The following ULK4 variants were observed in gnomAD, a reference collection of about 807,000 sequenced individuals.
ULK4 encodes the protein inactive serine/threonine-protein kinase ULK4.
Under a neutral mutation model 160.6 loss-of-function variants are expected in ULK4, and 133 were observed. The observed-to-expected ratio is 0.83, with a 90% confidence interval of 0.72 to 0.96. The LOEUF is 0.96. Among genes scored for constraint, ULK4 ranks in the 40% least tolerant of loss-of-function variants. The pLI, the probability that ULK4 is intolerant of heterozygous loss-of-function variation, is 0.00. For synonymous variants in ULK4, 534 were observed against 539.8 expected (o/e 0.99, Z 0.15); for missense variants, 1,580 against 1,499.5 (o/e 1.05, Z -0.89).
At chr3:41,856,588 C>CACATATATATATAT (rs2042363880) in intron 17 of ULK4, among the ~76,000 whole-genome samples, 2 of 71,904 alleles carry the variant, frequency 2.8e-5, no homozygotes, top group Non-Finnish European at 6.2e-5. Flanking sequence ...TATATATATA[C>CACATATATATATAT]ACATATATAT....
In ULK4 at chr3:41,721,362, AT is replaced by A. The variant is rs1192444773; in HGVS notation, c.2322-3502del. ...TATATATATATATATATATATATAT[AT>A]TTTTTTTTTTTTTTTTTTGAAACGG... On this transcript the variant is annotated intron_variant, in intron 22 of 36. Coordinates refer to ENST00000301831, the MANE Select transcript of ULK4 (RefSeq NM_017886.4). Among the ~76,000 whole-genome samples the A allele has an allele frequency of 9.0e-3, 252 of 27,936 alleles. 1 individual carries two copies. Among genetic ancestry groups the A allele is most frequent in the East Asian group, 0.03 (29 of 978 alleles). The allele number at this position is 27,936 out of a possible 152,430, so 18.3% of individuals were successfully genotyped here.
chr3:41,641,871 C>CTTTT (rs1216590151), intron 30 of ULK4, among the ~76,000 whole-genome samples: 1 of 138,476 alleles, frequency 7.2e-6, no homozygotes, highest in Non-Finnish European at 1.6e-5. Flanking sequence ...CAATTAATAC[C>CTTTT]TTTTTTTTTT....
At chr3:41,299,840 T>C (rs935904293) in intron 35 of ULK4, among the ~76,000 whole-genome samples, 1 of 152,224 alleles carries the variant, frequency 6.6e-6, no homozygotes, top group African/African-American at 2.4e-5. Context: ...CAGTATAGTT[T>C]ACCTAATCAT....
chr3:41,383,766 T>C (rs939941828), intron 35 of ULK4, among the ~76,000 whole-genome samples: 1 of 152,200 alleles, frequency 6.6e-6, no homozygotes, highest in Non-Finnish European at 1.5e-5. Flanking sequence ...CAGGGACTCT[T>C]AGCTTTTTAC....
rs1362566964 is a variant in ULK4, at chr3:41,798,899, GAAGA to G, written c.2010+1229_2010+1232del. On this transcript the variant is annotated intron_variant, in intron 20 of 36. Coordinates refer to ENST00000301831, the MANE Select transcript of ULK4 (RefSeq NM_017886.4). ...CCAGGAAGAAGATTTGGAGAAACAT[GAAGA>G]GGTTTGTCTCTGAAAAGAGAAGGAA... 2.6e-5 allele frequency among the ~76,000 whole-genome samples: 4 copies of G among 152,290 alleles called. No individual in the cohort carries two copies. The East Asian group carries it at 7.7e-4, about 29-fold the overall frequency.
At chr3:41,524,812 C>T (rs913665504) in intron 32 of ULK4, among the ~76,000 whole-genome samples, 4 of 152,090 alleles carry the variant, frequency 2.6e-5, no homozygotes, top group African/African-American at 7.2e-5. Context: ...GTGACACGTG[C>T]CTGTAGTCCA....
intron 32 of ULK4, among the ~76,000 whole-genome samples, chr3:41,472,246 A>G (rs2084012748): frequency 6.6e-6 from 1 of 152,138 alleles, no homozygotes; most frequent in Admixed American, 6.5e-5. Context: ...CTAAACACAT[A>G]TAACCTACTA....
chr3:41,762,830 T>A (rs1159034078), intron 21 of ULK4, among the ~76,000 whole-genome samples: 2 of 151,972 alleles, frequency 1.3e-5, no homozygotes, highest in African/African-American at 2.4e-5. Flanking sequence ...ATCCCACTAA[T>A]TTTTTTCTGT....
chr3:41,830,161 G>A (rs1415048994), intron 18 of ULK4, among the ~76,000 whole-genome samples: 4 of 152,134 alleles, frequency 2.6e-5, no homozygotes, highest in African/African-American at 9.7e-5. Context: ...TAGGGGGAGT[G>A]GGGAGGGATA....
chr3:41,689,957 T>C (rs13327688), intron 27 of ULK4, among the ~76,000 whole-genome samples: 21,421 of 142,686 alleles, frequency 0.15, 3,940 homozygotes, highest in African/African-American at 0.51. Flanking sequence ...ACCCAAAGGA[T>C]TATAAATCAT....
chr3:41,417,113 C>T (rs762707243), intron 34 of ULK4, among the ~76,000 whole-genome samples: 2 of 152,126 alleles, frequency 1.3e-5, no homozygotes, highest in Admixed American at 6.6e-5. Context: ...TCTGCCTCTA[C>T]GCACGTGAGA....
At chr3:41,772,481 A>G (rs1466017006) in intron 21 of ULK4, among the ~76,000 whole-genome samples, 1 of 152,196 alleles carries the variant, frequency 6.6e-6, no homozygotes, top group African/African-American at 2.4e-5. Flanking sequence ...AGAAATGGAT[A>G]AATTCCTCGA....
At chr3:41,894,034 C>T (rs1183279729) in intron 16 of ULK4, among the ~76,000 whole-genome samples, 3 of 152,038 alleles carry the variant, frequency 2.0e-5, no homozygotes, top group Non-Finnish European at 2.9e-5. Flanking sequence ...AACTGTTTTA[C>T]AATCAAACTT....
intron 22 of ULK4, among the ~76,000 whole-genome samples, chr3:41,721,803 T>C (rs2037481023): frequency 6.6e-6 from 1 of 152,182 alleles, no homozygotes; most frequent in Admixed American, 6.5e-5. Flanking sequence ...GACAGCCCGA[T>C]TTGTAAGATT....
In ULK4 at chr3:41,706,348, A is replaced by AAT. The variant is rs545860849; in HGVS notation, c.2635-1045_2635-1044dup. On this transcript the variant is annotated intron_variant, in intron 25 of 36. Transcript: ENST00000301831. The stretch of plus-strand genomic sequence containing the variant: ...AGTTCTTGCCACTAATAAACAAAAT[A>AAT]ATATATATATATTTATATATATATT... Among the ~76,000 whole-genome samples the AAT allele has an allele frequency of 5.3e-3, 763 of 144,372 alleles. 9 individuals are homozygous for AAT. The highest frequency in any genetic ancestry group is 0.019 in the African/African-American group (715 of 38,216). 94.7% of individuals were successfully genotyped at this position (144,372 alleles called of 152,430 possible).
chr3:41,280,187 T>C (rs2079324050), intron 35 of ULK4, among the ~76,000 whole-genome samples: 1 of 152,204 alleles, frequency 6.6e-6, no homozygotes, highest in African/African-American at 2.4e-5. Context: ...CAAAGAGACT[T>C]AGACTCCTAC....
intron 34 of ULK4, among the ~76,000 whole-genome samples, chr3:41,448,182 A>C (rs1575233914): frequency 6.6e-6 from 1 of 152,110 alleles, no homozygotes; most frequent in Admixed American, 6.5e-5. Flanking sequence ...ACAGAGACAT[A>C]AACAAGTGTT....
In ULK4 at chr3:41,436,740, A is replaced by C. The variant is rs995076117; in HGVS notation, c.3492+18757T>G. ...CGTCCTTTCATAGTAATTAGGAAGC[A>C]GACTCAAGGGCTGCTGCTGGTGACA... On this transcript the variant is annotated intron_variant, in intron 34 of 36. Coordinates refer to ENST00000301831, the MANE Select transcript of ULK4 (RefSeq NM_017886.4). 5.3e-5 allele frequency among the ~76,000 whole-genome samples: 8 copies of C among 152,198 alleles called. No homozygotes were observed. In the East Asian group the frequency reaches 1.5e-3, roughly 29 times the overall value.
At chr3:41,650,623 G>A (rs534465588) in intron 30 of ULK4, among the ~76,000 whole-genome samples, 104 of 152,334 alleles carry the variant, frequency 6.8e-4, no homozygotes, top group African/African-American at 2.4e-3. Flanking sequence ...ATGCCACTAT[G>A]TGCCTGGCTG....
Sources: gnomAD v4.1 joint callset for allele counts (sites outside exome capture counted in the v4.1 genomes callset) on GRCh38, gnomAD v4.1.1 for gene constraint, MANE v1.5 for transcripts, NCBI Gene and HGNC (gene_info 2026-07-23, HGNC 2026-07-21) for gene names.